Variants in CADPS2 observed in about 807,000 individuals in gnomAD.
The protein encoded by CADPS2 is calcium dependent secretion activator 2, also known as calcium-dependent secretion activator 2.
CADPS2 carries 93 observed loss-of-function variants against 172.5 expected under a neutral mutation model. The observed-to-expected ratio is 0.54, with a 90% CI of 0.46 to 0.64. The LOEUF is 0.64. Among genes scored for constraint, CADPS2 ranks in the 30% least tolerant of loss-of-function variants. The pLI is 0.00. For synonymous variants in CADPS2, 546 were observed against 555.2 expected, an observed-to-expected ratio of 0.98 and a Z score of 0.23; for missense variants, 1,420 against 1,565.9, an observed-to-expected ratio of 0.91 and a Z score of 1.57.
intron 2 of CADPS2, among the ~76,000 whole-genome samples, chr7:122,674,286 C>G (rs981113060): frequency 6.6e-6 from 1 of 152,208 alleles, no homozygotes. Flanking sequence ...CACAGCGCAG[C>G]GGTGGGCTGA....
At chr7:122,571,999 A>G (rs991934652) in intron 7 of CADPS2, among the ~76,000 whole-genome samples, 1 of 152,266 alleles carries the variant, frequency 6.6e-6, no homozygotes, top group Middle Eastern at 3.4e-3. Flanking sequence ...CACAGACAAA[A>G]TTTATATTGG....
At chr7:122,738,055 T>C (rs558438471) in intron 1 of CADPS2, among the ~76,000 whole-genome samples, 6 of 152,120 alleles carry the variant, frequency 3.9e-5, no homozygotes, top group South Asian at 2.1e-4. Context: ...TTTGAGCACA[T>C]AGGAGAAAAT....
chr7:122,515,464 G>A (rs542001244), intron 8 of CADPS2, among the ~76,000 whole-genome samples: 9 of 152,022 alleles, frequency 5.9e-5, no homozygotes, highest in Admixed American at 6.6e-5. Flanking sequence ...CAATGACCTC[G>A]GGAGCTAGAT....
intron 6 of CADPS2, among the ~76,000 whole-genome samples, chr7:122,599,989 T>A (rs1303913896): frequency 1.3e-5 from 2 of 152,102 alleles, no homozygotes; most frequent in African/African-American, 2.4e-5. Context: ...TAGATCAGAT[T>A]ATATTCCTCG....
chr7:122,595,755 A>G (rs1402345578), intron 6 of CADPS2, among the ~76,000 whole-genome samples: 1 of 152,088 alleles, frequency 6.6e-6, no homozygotes, highest in Non-Finnish European at 1.5e-5. Flanking sequence ...CCAACTACAC[A>G]GAAGTAGAAT....
intron 1 of CADPS2, among the ~76,000 whole-genome samples, chr7:122,772,987 G>A (rs1190719555): frequency 2.0e-5 from 3 of 151,938 alleles, no homozygotes; most frequent in Non-Finnish European, 2.9e-5. Flanking sequence ...GCCAACAAAT[G>A]GGAAGAAAAT....
chr7:122,489,904 A>C (rs574794069), intron 11 of CADPS2, among the ~76,000 whole-genome samples, 177 bp downstream of exon 11: 2 of 152,220 alleles, frequency 1.3e-5, no homozygotes, highest in East Asian at 3.9e-4. Context: ...CGTACCATTT[A>C]CTCCAGATTT....
At chr7:122,509,630 GATGA>G (rs957695948) in intron 9 of CADPS2, among the ~76,000 whole-genome samples, 6 of 152,160 alleles carry the variant, frequency 3.9e-5, no homozygotes, top group Admixed American at 2.0e-4. Context: ...TTTGTCTTCA[GATGA>G]ACTGTAGTTA....
intron 25 of CADPS2, among the ~76,000 whole-genome samples, chr7:122,366,100 G>GT (rs769272635): frequency 0.021 from 2,934 of 141,700 alleles, 40 homozygotes; most frequent in Non-Finnish European, 0.027. Context: ...TAGCTGTTTT[G>GT]TTTTTTTTTT....
chr7:122,706,721 T>G (rs1032987578), intron 2 of CADPS2, among the ~76,000 whole-genome samples: 1 of 147,548 alleles, frequency 6.8e-6, no homozygotes, highest in Non-Finnish European at 1.5e-5. Context: ...CTCATATATA[T>G]GTATATATAC....
chr7:122,677,112 G>T (rs1210930596), intron 2 of CADPS2, among the ~76,000 whole-genome samples: 2 of 152,168 alleles, frequency 1.3e-5, no homozygotes, highest in Admixed American at 6.5e-5. Context: ...ATATGATCAG[G>T]TGTCATAAGC....
chr7:122,586,302 G>A (rs2069679323), intron 6 of CADPS2, among the ~76,000 whole-genome samples: 1 of 151,836 alleles, frequency 6.6e-6, no homozygotes, highest in Non-Finnish European at 1.5e-5. Flanking sequence ...TAATTATACT[G>A]TAACATATAT....
At chr7:122,837,631 T>G (rs942918451) in intron 1 of CADPS2, among the ~76,000 whole-genome samples, 1 of 152,076 alleles carries the variant, frequency 6.6e-6, no homozygotes, top group African/African-American at 2.4e-5. Flanking sequence ...CAAACTACCA[T>G]CAGAGAATAC....
chr7:122,774,145 C>T (rs1480232472), intron 1 of CADPS2, among the ~76,000 whole-genome samples: 1 of 151,704 alleles, frequency 6.6e-6, no homozygotes, highest in African/African-American at 2.4e-5. Flanking sequence ...ATCACTATTG[C>T]CATATATATT....
chr7:122,652,893 TTCTA>T (rs1328623723), intron 3 of CADPS2, among the ~76,000 whole-genome samples: 35 of 152,218 alleles, frequency 2.3e-4, no homozygotes, highest in African/African-American at 7.7e-4. Flanking sequence ...ATGTGCTATC[TTCTA>T]TCTTAGTGTT....
intron 17 of CADPS2, among the ~76,000 whole-genome samples, chr7:122,431,677 T>A (rs2049928887): frequency 6.6e-6 from 1 of 152,098 alleles, no homozygotes; most frequent in Non-Finnish European, 1.5e-5. Flanking sequence ...GAAGAAGTAA[T>A]AATAATGATA....
At chr7:122,371,778 G>A (rs10242327) in intron 25 of CADPS2, among the ~76,000 whole-genome samples, 5,309 of 152,214 alleles carry the variant, frequency 0.035, 316 homozygotes, top group African/African-American at 0.12. Flanking sequence ...CCTGTGTGAT[G>A]TGCTTGAGCA....
intron 2 of CADPS2, among the ~76,000 whole-genome samples, chr7:122,671,972 T>C (rs1299229289): frequency 6.6e-6 from 1 of 152,136 alleles, no homozygotes; most frequent in African/African-American, 2.4e-5. Flanking sequence ...AACATGGACC[T>C]TGTCCATATG....
chr7:122,404,896 T>TG (rs1265810666), intron 20 of CADPS2, among the ~76,000 whole-genome samples: 1 of 150,142 alleles, frequency 6.7e-6, no homozygotes, highest in African/African-American at 2.5e-5. Context: ...GAGGCCGAGG[T>TG]GGGGGGATCA....
Sources: allele counts gnomAD v4.1 joint callset (sites outside exome capture counted in the v4.1 genomes callset), GRCh38; gene constraint gnomAD v4.1.1; transcripts MANE v1.5; gene names NCBI Gene and HGNC (gene_info 2026-07-23, HGNC 2026-07-21).